RBFOX1: variants seen among roughly 807,000 people sequenced by gnomAD.
The protein encoded by RBFOX1 is RNA binding fox-1 homolog 1, also known as RNA binding protein fox-1 homolog 1.
A neutral mutation model predicts 57.7 loss-of-function variants in RBFOX1; 8 were observed. The observed-to-expected ratio is 0.14, with a 90% CI of 0.08 to 0.25. The LOEUF is 0.25. Among genes scored for constraint, RBFOX1 ranks in the 10% least tolerant of loss-of-function variants. RBFOX1 has a pLI of 1.00. For missense variants in RBFOX1, 611 were observed against 548.5 expected (o/e 1.11, Z -1.14); for synonymous variants, 326 against 222.4 (o/e 1.47, Z -4.15).
At chr16:6,036,201 T>A (rs563252557) in intron 1 of RBFOX1, among the ~76,000 whole-genome samples, 3 of 152,150 alleles carry the variant, frequency 2.0e-5, no homozygotes, top group Non-Finnish European at 4.4e-5. Context: ...ACTGGAACTG[T>A]GTCACTTCTC....
intron 3 of RBFOX1, among the ~76,000 whole-genome samples, chr16:7,036,613 A>C (rs779830098): frequency 1.1e-4 from 17 of 152,010 alleles, no homozygotes; most frequent in Non-Finnish European, 1.8e-4. Flanking sequence ...GAATCGCTTG[A>C]AACCGTAAGG....
chr16:7,693,416 C>CTTTTTTT (rs60812796), intron 14 of RBFOX1: 137 of 783,182 alleles, frequency 1.7e-4, no homozygotes, highest in East Asian at 6.1e-4. Flanking sequence ...TCTCAGTATC[C>CTTTTTTT]TTTTTTTTTT....
At position 5,529,417 on chromosome 16, in the gene RBFOX1, G is replaced by C. The variant is rs1246228397; in HGVS notation, c.258+62163G>C. 2.7e-5 allele frequency among the ~76,000 whole-genome samples: 4 copies of C among 145,874 alleles called. No homozygotes were observed. The East Asian group carries it at 7.9e-4, about 29-fold the overall frequency. On this transcript the variant is annotated intron_variant, in intron 2 of 2. Transcript: ENST00000585867. ...TTTTTTTTTTTTTTTTTTAATTTGA[G>C]ACAGGGTCTCCCTTTGTTGCTCAGG...
chr16:7,558,518 C>G (rs1177786725), intron 5 of RBFOX1, among the ~76,000 whole-genome samples: 1 of 151,778 alleles, frequency 6.6e-6, no homozygotes, highest in Non-Finnish European at 1.5e-5. Flanking sequence ...TATACATATA[C>G]AACATATATT....
chr16:6,930,992 A>G (rs992537366), intron 3 of RBFOX1, among the ~76,000 whole-genome samples: 7 of 151,452 alleles, frequency 4.6e-5, no homozygotes, highest in Admixed American at 1.3e-4. Flanking sequence ...CTTATTTCCT[A>G]TCTTCTCCTT....
chr16:5,908,089 C>CTT (rs2058507637), intron 4 of RBFOX1, among the ~76,000 whole-genome samples: 1 of 138,134 alleles, frequency 7.2e-6, no homozygotes, highest in Non-Finnish European at 1.5e-5. Context: ...TATATATACA[C>CTT]ATATATACAC....
chr16:7,408,744 C>T (rs866512930), intron 4 of RBFOX1, among the ~76,000 whole-genome samples: 1 of 152,178 alleles, frequency 6.6e-6, no homozygotes, highest in Admixed American at 6.5e-5. Flanking sequence ...AACAGCATCC[C>T]TGGCCTCCTA....
At chr16:6,661,797 T>C (rs1264153757) in intron 3 of RBFOX1, among the ~76,000 whole-genome samples, 1 of 152,214 alleles carries the variant, frequency 6.6e-6, no homozygotes, top group Non-Finnish European at 1.5e-5. Flanking sequence ...CTCTTTGAAA[T>C]GTTGATTTAG....
At chr16:6,634,080 C>A (rs538518672) in intron 2 of RBFOX1, among the ~76,000 whole-genome samples, 1 of 145,220 alleles carries the variant, frequency 6.9e-6, no homozygotes, top group Non-Finnish European at 1.5e-5. Context: ...CACACACATA[C>A]ACACACACAT....
chr16:7,077,259 A>G (rs2058454329), intron 4 of RBFOX1, among the ~76,000 whole-genome samples: 1 of 152,214 alleles, frequency 6.6e-6, no homozygotes, highest in Non-Finnish European at 1.5e-5. Context: ...TTGGTGGGCA[A>G]GGTACTGTTA....
intron 3 of RBFOX1, among the ~76,000 whole-genome samples, chr16:7,005,662 T>A (rs2093233451): frequency 6.6e-6 from 1 of 152,112 alleles, no homozygotes; most frequent in Non-Finnish European, 1.5e-5. Flanking sequence ...CACAAACAAT[T>A]TCATAGAATA....
chr16:5,545,712 A>G (rs1156514418), intron 2 of RBFOX1, among the ~76,000 whole-genome samples: 1 of 152,170 alleles, frequency 6.6e-6, no homozygotes, highest in Non-Finnish European at 1.5e-5. Flanking sequence ...TTGATAAAAT[A>G]TGTCTATGAA....
intron 4 of RBFOX1, among the ~76,000 whole-genome samples, chr16:5,873,821 G>C (rs1031824033): frequency 1.2e-4 from 18 of 152,210 alleles, no homozygotes; most frequent in Non-Finnish European, 1.5e-5. Flanking sequence ...GATATTTATA[G>C]AGGCTTCTCA....
chr16:7,638,214 C>T (rs2062097624), intron 11 of RBFOX1, among the ~76,000 whole-genome samples: 1 of 152,156 alleles, frequency 6.6e-6, no homozygotes, highest in African/African-American at 2.4e-5. Flanking sequence ...ATTGGGCACT[C>T]ACTATATGTC....
At position 6,645,349 on chromosome 16, in the gene RBFOX1, C is replaced by T. The variant is rs191464236; in HGVS notation, c.-63-9254C>T. Among the ~76,000 whole-genome samples, 215 of 152,246 alleles carry T rather than the reference C, an allele frequency of 1.4e-3. 1 individual carries two copies. The highest frequency in any genetic ancestry group is 4.8e-3 in the African/African-American group (201 of 41,536). The stretch of plus-strand genomic sequence containing the variant: ...GGGCTGCTGTTGAACCCCGTGCTGG[C>T]TACTCACTTCTAAATCCTCTGAGGT... On this transcript the variant is annotated intron_variant, in intron 2 of 15. Transcript: ENST00000550418.
intron 3 of RBFOX1, among the ~76,000 whole-genome samples, chr16:6,791,823 A>G (rs2083017235): frequency 6.6e-6 from 1 of 152,050 alleles, no homozygotes; most frequent in South Asian, 2.1e-4. Flanking sequence ...ACACAGTCAT[A>G]CCTCCAGGAA....
At chr16:7,456,241 C>T (rs2058489410) in intron 4 of RBFOX1, among the ~76,000 whole-genome samples, 1 of 152,182 alleles carries the variant, frequency 6.6e-6, no homozygotes, top group African/African-American at 2.4e-5. Context: ...TAGGACCCTC[C>T]TCTCAACATT....
At chr16:6,344,398 C>CTTTTTTCTCT (rs2085011897) in intron 2 of RBFOX1, among the ~76,000 whole-genome samples, 2 of 71,974 alleles carry the variant, frequency 2.8e-5, no homozygotes, top group South Asian at 7.8e-4. Context: ...CTTCTTTTTT[C>CTTTTTTCTCT]TTTTTTTTCT....
chr16:6,065,915 A>G (rs369563944), intron 1 of RBFOX1, among the ~76,000 whole-genome samples: 1 of 152,328 alleles, frequency 6.6e-6, no homozygotes, highest in East Asian at 1.9e-4. Flanking sequence ...ATTGCCTGCC[A>G]GTGTCAACAG....
Sources: gnomAD v4.1 joint callset for allele counts (sites outside exome capture counted in the v4.1 genomes callset) on GRCh38, gnomAD v4.1.1 for gene constraint, MANE v1.5 for transcripts, NCBI Gene and HGNC (gene_info 2026-07-23, HGNC 2026-07-21) for gene names.